Variants in SECISBP2L observed in about 807,000 individuals in gnomAD.
The protein encoded by SECISBP2L is SECIS binding protein 2 like.
A neutral mutation model predicts 114.7 loss-of-function variants in SECISBP2L; 43 were observed. The ratio of observed to expected loss-of-function variants is 0.38; its 90% CI spans 0.29 to 0.48. SECISBP2L has a LOEUF of 0.48. Among genes scored for constraint, SECISBP2L ranks in the 20% least tolerant of loss-of-function variants. SECISBP2L has a pLI of 0.98. For synonymous variants in SECISBP2L, 451 were observed against 439.7 expected (o/e 1.03, Z -0.32); for missense variants, 1,136 against 1,301.1 (o/e 0.87, Z 1.95).
chr15:49,000,704 T>C (rs1902185504), intron 15 of SECISBP2L, among the ~76,000 whole-genome samples, 173 bp downstream of exon 15: 3 of 152,204 alleles, frequency 2.0e-5, no homozygotes, highest in Admixed American at 2.0e-4. Context: ...TACAATCCAG[T>C]CTCAATTCTA....
intron 3 of SECISBP2L, among the ~76,000 whole-genome samples, chr15:49,033,533 G>T (rs1259533888): frequency 6.6e-6 from 1 of 152,016 alleles, no homozygotes; most frequent in Admixed American, 6.6e-5. Context: ...AGTTCAAAAT[G>T]AAAATATAAA....
chr15:49,021,739 C>T (rs911924393), intron 7 of SECISBP2L, among the ~76,000 whole-genome samples: 1 of 152,120 alleles, frequency 6.6e-6, no homozygotes, highest in African/African-American at 2.4e-5. Flanking sequence ...TCTTACACTT[C>T]GAGACATAAA....
At chr15:48,995,036 G>T (rs1430959872) in intron 17 of SECISBP2L, among the ~76,000 whole-genome samples, 2 of 151,682 alleles carry the variant, frequency 1.3e-5, no homozygotes, top group African/African-American at 2.4e-5. Context: ...GCAGAGTATA[G>T]AAAAACCAAG....
intron 11 of SECISBP2L, among the ~76,000 whole-genome samples, chr15:49,016,246 G>A (rs1180284045): frequency 6.6e-6 from 1 of 152,162 alleles, no homozygotes; most frequent in African/African-American, 2.4e-5. Context: ...AGGCTACTCA[G>A]TCTAGTATGA....
At chr15:49,027,873 T>C (rs1328798748) in intron 6 of SECISBP2L, among the ~76,000 whole-genome samples, 2 of 152,128 alleles carry the variant, frequency 1.3e-5, no homozygotes, top group Admixed American at 1.3e-4. Context: ...CCTCCCAAAG[T>C]TCTGGGATTA....
chr15:49,017,953 G>A (rs2305195), intron 8 of SECISBP2L, among the ~76,000 whole-genome samples: 111,927 of 152,128 alleles, frequency 0.74, 41,571 homozygotes, highest in Middle Eastern at 0.78. Flanking sequence ...GATAATTTGA[G>A]AAAGTGTTTA....
chr15:49,020,188 A>AG (rs1390498074), intron 7 of SECISBP2L, among the ~76,000 whole-genome samples: 1 of 152,028 alleles, frequency 6.6e-6, no homozygotes, highest in Non-Finnish European at 1.5e-5. Flanking sequence ...ATGTTACCAC[A>AG]GGGGGGAAAC....
intron 7 of SECISBP2L, among the ~76,000 whole-genome samples, chr15:49,023,921 G>C (rs1238180599): frequency 6.6e-6 from 1 of 152,180 alleles, no homozygotes; most frequent in Non-Finnish European, 1.5e-5. Context: ...AAGTCAAGGA[G>C]AAGCAGAGGT....
intron 7 of SECISBP2L, among the ~76,000 whole-genome samples, chr15:49,023,806 G>C (rs1902688279): frequency 6.6e-6 from 1 of 151,314 alleles, no homozygotes; most frequent in Non-Finnish European, 1.5e-5. Context: ...TTTATGTAAA[G>C]AAAGAACAAA....
Position 49,028,043 on chromosome 15 carries a change from A to T in SECISBP2L, c.919+101T>A, listed in dbSNP as rs538225831. The T allele has an allele frequency of 6.6e-6, 7 of 1,063,694 alleles. No individual in the cohort carries two copies. The East Asian group carries it at 1.8e-4, about 28-fold the overall frequency. The allele number at this position is 1,063,694 out of a possible 1,614,324, so 65.9% of individuals were successfully genotyped here. ...TACCTTGAATCTCTGGAAGACTTCT[A>T]AGTTTTTTTTGCAGTATCAGCAAGC... On this transcript the variant is annotated intron_variant, in intron 6 of 17. Coordinates refer to ENST00000559471, the MANE Select transcript of SECISBP2L (RefSeq NM_001193489.2).
chr15:49,046,249 C>A lies in SECISBP2L; in HGVS notation c.24+27G>T, dbSNP rs189688509. ...GAAGCGGCGACCCCAACCCCCGGCTCGGCGGGCCCAGCCCAAACCCGCGTA... is the reference window on the plus strand; with the variant it reads ...GAAGCGGCGACCCCAACCCCCGGCTAGGCGGGCCCAGCCCAAACCCGCGTA... On this transcript the variant is annotated intron_variant, in intron 1 of 17. Transcript: ENST00000559471. 1.6e-5 allele frequency: 25 copies of A among 1,565,776 alleles called. No individual in the cohort carries two copies. The East Asian group carries it at 2.6e-4, about 17-fold the overall frequency.
chr15:49,018,944 G>C (rs2141073476), intron 8 of SECISBP2L, among the ~76,000 whole-genome samples: 1 of 152,256 alleles, frequency 6.6e-6, no homozygotes. Context: ...CCACCAGTAA[G>C]AATCTGTTAG....
chr15:48,990,994 C>T lies in SECISBP2L; in HGVS notation c.*1250G>A, dbSNP rs1399242640. On this transcript the variant is annotated 3_prime_UTR_variant, in exon 18 of 18. Transcript: ENST00000559471. ...ACTGACTAGCAAATAAAACATTTAG[C>T]TCATTTATTGTCTCCTAAGCAGGTA... The T allele has an allele frequency of 6.6e-6, 1 of 152,136 alleles. No individual in the cohort carries two copies. The highest frequency in any genetic ancestry group is 1.9e-4 in the East Asian group (1 of 5,198). 9.4% of individuals were successfully genotyped at this position (152,136 alleles called of 1,614,324 possible). A position where few individuals can be genotyped will look rare whatever the true frequency, so the allele number is the denominator to read the frequency against.
At chr15:49,030,498 C>A (rs1902863611) in intron 4 of SECISBP2L, among the ~76,000 whole-genome samples, 1 of 152,194 alleles carries the variant, frequency 6.6e-6, no homozygotes, top group Non-Finnish European at 1.5e-5. Context: ...TGGGATCATT[C>A]TCTTATTGAT....
intron 11 of SECISBP2L, 34 bp downstream of exon 11, chr15:49,016,526 A>G: frequency 1.3e-6 from 2 of 1,569,722 alleles, no homozygotes; most frequent in Non-Finnish European, 1.7e-6. Context: ...ATTAGCAGAG[A>G]CAAACAGCAA....
At chr15:49,019,664 T>C in intron 7 of SECISBP2L, 112 bp from the exon 8 acceptor site, 1 of 821,012 alleles carries the variant, frequency 1.2e-6, no homozygotes, top group Non-Finnish European at 1.6e-6. Flanking sequence ...CTCAATAAAT[T>C]TTCACCAAGT....
At chr15:49,006,203 G>C (rs566305485) in intron 14 of SECISBP2L, among the ~76,000 whole-genome samples, 53 of 152,164 alleles carry the variant, frequency 3.5e-4, no homozygotes, top group African/African-American at 1.3e-3. Context: ...TTTCAACCTT[G>C]GTGAATCTGA....
intron 17 of SECISBP2L, among the ~76,000 whole-genome samples, chr15:48,995,170 C>T (rs1038172237): frequency 6.6e-6 from 1 of 152,194 alleles, no homozygotes; most frequent in African/African-American, 2.4e-5. Flanking sequence ...TGTCATCTGT[C>T]CAAACCCACA....
At chr15:49,013,528 C>G (rs914919408) in intron 11 of SECISBP2L, among the ~76,000 whole-genome samples, 1 of 152,210 alleles carries the variant, frequency 6.6e-6, no homozygotes. Context: ...ATCTCTTGAC[C>G]TTGTGATCCG....
Sources: gnomAD v4.1 joint callset for allele counts (sites outside exome capture counted in the v4.1 genomes callset) on GRCh38, gnomAD v4.1.1 for gene constraint, MANE v1.5 for transcripts, NCBI Gene and HGNC (gene_info 2026-07-23, HGNC 2026-07-21) for gene names.